PCDHA5: variants seen among roughly 807,000 people sequenced by gnomAD.
The protein encoded by PCDHA5 is protocadherin alpha 5.
Under a neutral mutation model 61.6 loss-of-function variants are expected in PCDHA5, and 43 were observed. The ratio of observed to expected loss-of-function variants is 0.70; its 90% CI spans 0.55 to 0.90. The LOEUF is 0.90. PCDHA5 is among the 40% of genes least tolerant of loss of function. The pLI is 0.00. For synonymous variants in PCDHA5, 627 were observed against 543.9 expected, an observed-to-expected ratio of 1.15 and a Z score of -2.13; for missense variants, 1,298 against 1,222.7, an observed-to-expected ratio of 1.06 and a Z score of -0.92.
At chr5:140,967,298 G>A in intron 1 of PCDHA5, 1 of 1,612,692 alleles carries the variant, frequency 6.2e-7, no homozygotes, top group Non-Finnish European at 8.5e-7. Flanking sequence ...CCCCGACGTG[G>A]GCGCCAACTC....
chr5:140,982,609 G>A, intron 3 of PCDHA5, 46 bp downstream of exon 3: 1 of 1,600,864 alleles, frequency 6.2e-7, no homozygotes, highest in East Asian at 2.2e-5. Context: ...TCTGGAAAGT[G>A]ATCAGATGAC....
intron 1 of PCDHA5, chr5:140,871,241 C>T (rs782602807): frequency 2.5e-6 from 4 of 1,613,972 alleles, no homozygotes; most frequent in Admixed American, 1.7e-5. Flanking sequence ...CTGGTACTCA[C>T]GCTGCTGCTG....
In PCDHA5 at chr5:140,823,339, C is replaced by T. The variant is rs2150124822; in HGVS notation, c.1564C>T (p.Leu522=). 28 of 1,612,236 alleles carry T rather than the reference C, an allele frequency of 1.7e-5. No homozygotes were observed. Among genetic ancestry groups the T allele is most frequent in the African/African-American group, 1.5e-4 (11 of 74,900 alleles). The change falls in exon 1 of 4, where the codon CTG becomes TTG. Residue 522 remains leucine, a synonymous_variant. Transcript: ENST00000529859. ...CGGCAAGGTGTACGCGCTGCAGCCG[C>T]TGGACCACGAGGAAGTGGAGCTGCT... ...ESGKVYALQP[L]DHEEVELLQF...
At chr5:140,841,276 T>A in intron 1 of PCDHA5, 67 of 1,485,756 alleles carry the variant, frequency 4.5e-5, no homozygotes, top group Middle Eastern at 1.8e-4. Flanking sequence ...CAGTCGTTCA[T>A]CTTTATATTA....
chr5:140,876,803 A>G lies in PCDHA5; in HGVS notation c.2352+52676A>G, dbSNP rs201565376. The G allele has an allele frequency of 1.6e-4, 261 of 1,614,140 alleles. 4 individuals are homozygous for G. In the East Asian group the frequency reaches 3.7e-3, roughly 23 times the overall value. On this transcript the variant is annotated intron_variant, in intron 1 of 3. Coordinates refer to ENST00000529859, the MANE Select transcript of PCDHA5 (RefSeq NM_018908.3). ...TGGGCCACGGCTAGAGTGTCCGTGG[A>G]GGTGGCCGACGTGAACGACAATGCG...
At chr5:141,009,584 AT>A in intron 3 of PCDHA5, 42 bp from the exon 4 acceptor site, 1 of 1,592,004 alleles carries the variant, frequency 6.3e-7, no homozygotes, top group Non-Finnish European at 8.6e-7. Flanking sequence ...CATCAAGAGC[AT>A]GTGTTGACCC....
rs200002785 is a variant in PCDHA5, at chr5:140,870,350, A to G, written c.2352+46223A>G. On this transcript the variant is annotated intron_variant, in intron 1 of 3. Transcript: ENST00000529859. ...CTGGACAGCGCCCTGGACCGCGAGA[A>G]CGTGTGGGCCTATGAACTGGTGGTG... 1.1e-4 allele frequency: 183 copies of G among 1,614,052 alleles called. 1 individual carries two copies. Among genetic ancestry groups the G allele is most frequent in the Middle Eastern group, 3.3e-4 (2 of 6,084 alleles).
chr5:140,972,660 ATTTT>A (rs11350929), intron 1 of PCDHA5, among the ~76,000 whole-genome samples: 1 of 117,264 alleles, frequency 8.5e-6, no homozygotes. Flanking sequence ...AAGAAACCAA[ATTTT>A]TTTTTTTTTT....
intron 1 of PCDHA5, chr5:140,857,400 C>A: frequency 6.3e-7 from 1 of 1,598,488 alleles, no homozygotes; most frequent in Non-Finnish European, 8.6e-7. Flanking sequence ...AACGACAACG[C>A]GCCTGCGTTC....
At chr5:140,853,149 G>T in intron 1 of PCDHA5, 1 of 844,586 alleles carries the variant, frequency 1.2e-6, no homozygotes, top group Non-Finnish European at 1.5e-6. Flanking sequence ...AAAATGCTGG[G>T]ATTACAGGCG....
At chr5:140,882,529 T>G (rs1277056302) in intron 1 of PCDHA5, 1 of 1,614,074 alleles carries the variant, frequency 6.2e-7, no homozygotes, top group Non-Finnish European at 8.5e-7. Context: ...TGTTTGTGAA[T>G]TCTCGGATCG....
At position 140,823,642 on chromosome 5, in the gene PCDHA5, G is replaced by A. The variant is rs138093911; in HGVS notation, c.1867G>A (p.Val623Met). 9 of 1,613,918 alleles carry A rather than the reference G, an allele frequency of 5.6e-6. No individual in the cohort carries two copies. Among genetic ancestry groups the A allele is most frequent in the African/African-American group, 1.3e-5 (1 of 74,932 alleles). Residue 623 changes from valine to methionine, a missense_variant, in exon 1 of 4, where the codon GTG (valine) becomes ATG (methionine). Coordinates refer to ENST00000529859, the MANE Select transcript of PCDHA5 (RefSeq NM_018908.3). Reference protein sequence around the residue: ...APGSARIPFRVGLYTGEISTT... With the variant: ...APGSARIPFRMGLYTGEISTT... ...TGGCAGTGCGCGCATCCCGTTCCGC[G>A]TGGGGCTGTACACAGGCGAGATCAG...
In PCDHA5 at chr5:140,855,835, T is replaced by C. The variant is rs1165073969; in HGVS notation, c.2352+31708T>C. On this transcript the variant is annotated intron_variant, in intron 1 of 3. Transcript: ENST00000529859. ...AGTTGTGAACTCATGGAATCGTACT[T>C]ACACCTAAAGCCACCGGATGTCGCT... The C allele has an allele frequency of 6.7e-5, 40 of 599,476 alleles. 4 individuals carry two copies. The highest frequency in any genetic ancestry group is 1.1e-4 in the Non-Finnish European group (39 of 347,470). 37.1% of individuals were successfully genotyped at this position (599,476 alleles called of 1,614,324 possible). A position where few individuals can be genotyped will look rare whatever the true frequency, so the allele number is the denominator to read the frequency against.
At chr5:140,877,761 C>T (rs2057326734) in intron 1 of PCDHA5, 4 of 1,614,180 alleles carry the variant, frequency 2.5e-6, no homozygotes, top group Non-Finnish European at 8.5e-7. Flanking sequence ...CTGCAGAGAG[C>T]CCGCCCAAGA....
At chr5:141,006,880 G>A (rs1554260955) in intron 3 of PCDHA5, among the ~76,000 whole-genome samples, 1 of 152,192 alleles carries the variant, frequency 6.6e-6, no homozygotes, top group Non-Finnish European at 1.5e-5. Flanking sequence ...GAGGAATCAA[G>A]AGTTTGATTT....
chr5:140,884,160 T>G lies in PCDHA5; in HGVS notation c.2352+60033T>G. 2 of 1,613,366 alleles carry G rather than the reference T, an allele frequency of 1.2e-6. No homozygotes were observed. The highest frequency in any genetic ancestry group is 1.7e-6 in the Non-Finnish European group (2 of 1,179,734). Reference sequence around the variant, plus strand: ...CGCGTGGGGCTGTACACTGGCGAGATCAGCACGACGCGCCCTCTGGACGAG... The same window carrying G: ...CGCGTGGGGCTGTACACTGGCGAGAGCAGCACGACGCGCCCTCTGGACGAG... On this transcript the variant is annotated intron_variant, in intron 1 of 3. Coordinates refer to ENST00000529859, the MANE Select transcript of PCDHA5 (RefSeq NM_018908.3).
At chr5:140,873,221 G>A (rs2054166323) in intron 1 of PCDHA5, among the ~76,000 whole-genome samples, 1 of 151,940 alleles carries the variant, frequency 6.6e-6, no homozygotes, top group African/African-American at 2.4e-5. Context: ...TTAAAGAGAA[G>A]GCAACAATAT....
At chr5:140,860,132 T>C (rs2150486737) in intron 1 of PCDHA5, 1 of 150,816 alleles carries the variant, frequency 6.6e-6, no homozygotes, top group East Asian at 1.9e-4. Flanking sequence ...TGTGTGTGTG[T>C]GTATATATAT....
At chr5:140,884,179 G>A in intron 1 of PCDHA5, 3 of 1,613,460 alleles carry the variant, frequency 1.9e-6, no homozygotes, top group Non-Finnish European at 1.7e-6. Context: ...CGCGCCCTCT[G>A]GACGAGGTGG....
Sources: gnomAD v4.1 joint callset for allele counts (sites outside exome capture counted in the v4.1 genomes callset) on GRCh38, gnomAD v4.1.1 for gene constraint, MANE v1.5 for transcripts, NCBI Gene and HGNC (gene_info 2026-07-23, HGNC 2026-07-21) for gene names.